Variants in MAP3K9 observed in about 807,000 individuals in gnomAD.
MAP3K9 encodes mixed lineage kinase 1 (tyr and ser/thr specificity).
A neutral mutation model predicts 95.8 loss-of-function variants in MAP3K9; 46 were observed. That is an observed-to-expected ratio of 0.48 (90% CI 0.38 to 0.61). MAP3K9 has a LOEUF of 0.61. MAP3K9 is among the 20% of genes least tolerant of loss of function. The pLI is 0.00. For missense variants in MAP3K9, 1,296 were observed against 1,474.3 expected, an observed-to-expected ratio of 0.88 and a Z score of 1.98; for synonymous variants, 533 against 593.8, an observed-to-expected ratio of 0.90 and a Z score of 1.49.
intron 2 of MAP3K9, among the ~76,000 whole-genome samples, chr14:70,797,240 C>G (rs2054874570): frequency 6.6e-6 from 1 of 151,952 alleles, no homozygotes; most frequent in Non-Finnish European, 1.5e-5. Context: ...TGACAATGAC[C>G]AAAATCCAAT....
rs570150310 is a variant in MAP3K9 at position 70,790,070 on chromosome 14, G to C, written c.820+10597C>G. The stretch of plus-strand genomic sequence containing the variant: ...AGTAGCAGGCGACTAACTGTGTCCT[G>C]CTTCTAGGAGGAAGGCTGTCCTTGG... On this transcript the variant is annotated intron_variant, in intron 2 of 11. Coordinates refer to ENST00000554752, the MANE Select transcript of MAP3K9 (RefSeq NM_001284230.2). 2.2e-4 allele frequency among the ~76,000 whole-genome samples: 33 copies of C among 152,286 alleles called. No homozygotes were observed. The South Asian group carries it at 6.8e-3, about 32-fold the overall frequency.
At position 70,727,120 on chromosome 14, in the gene MAP3K9, T is replaced by C. The variant is rs1487353734; in HGVS notation, c.*3260A>G. 2.6e-5 allele frequency: 4 copies of C among 152,192 alleles called. No individual in the cohort carries two copies. The highest frequency in any genetic ancestry group is 9.7e-5 in the African/African-American group (4 of 41,448). The allele number at this position is 152,192 out of a possible 1,614,324, so 9.4% of individuals were successfully genotyped here. ...AAGGGTATCAAATGTACAAGGAAAA[T>C]GATGTCATTTTGCAAAGGTCAGGAG... On this transcript the variant is annotated 3_prime_UTR_variant, in exon 12 of 12. Transcript: ENST00000554752.
rs1215674246 is a variant in MAP3K9 at position 70,729,216 on chromosome 14, A to G, written c.*1164T>C. 1 of 152,216 alleles carries G rather than the reference A, an allele frequency of 6.6e-6. No individual in the cohort carries two copies. Among genetic ancestry groups the G allele is most frequent in the Non-Finnish European group, 1.5e-5 (1 of 68,066 alleles). The allele number at this position is 152,216 out of a possible 1,614,324, so 9.4% of individuals were successfully genotyped here. On this transcript the variant is annotated 3_prime_UTR_variant, in exon 12 of 12. Transcript: ENST00000554752. ...AAATAGCACTTTGCCACATGCATTT[A>G]CAGAAGGTACTCCTGCTGGCTCCAT...
intron 2 of MAP3K9, among the ~76,000 whole-genome samples, chr14:70,792,336 A>C (rs1259450387): frequency 6.6e-6 from 1 of 152,216 alleles, no homozygotes; most frequent in Admixed American, 6.5e-5. Flanking sequence ...TGTGGCAAAA[A>C]CCACCAAAGG....
chr14:70,759,560 T>C (rs1026322828), intron 3 of MAP3K9, among the ~76,000 whole-genome samples: 4 of 152,214 alleles, frequency 2.6e-5, no homozygotes, highest in African/African-American at 4.8e-5. Context: ...TTTGAGTCAT[T>C]ATCTTCACTA....
In MAP3K9 at chr14:70,724,593, T is replaced by G. The variant is rs1396967573; in HGVS notation, c.*5787A>C. 1 of 152,154 alleles carries G rather than the reference T, an allele frequency of 6.6e-6. No individual in the cohort carries two copies. Among genetic ancestry groups the G allele is most frequent in the Non-Finnish European group, 1.5e-5 (1 of 68,026 alleles). The allele number at this position is 152,154 out of a possible 1,614,324, so 9.4% of individuals were successfully genotyped here. ...GTAAATCATATTGCAATGCAGTATT[T>G]TTTAAAAATCAGAGTTATTGAAAAA... On this transcript the variant is annotated 3_prime_UTR_variant, in exon 12 of 12. Coordinates refer to ENST00000554752, the MANE Select transcript of MAP3K9 (RefSeq NM_001284230.2).
At position 70,749,091 on chromosome 14, in the gene MAP3K9, A is replaced by T. The variant is rs113572278; in HGVS notation, c.1151-87T>A. ...AGGCTATTACATGGCCTCACTTCCCAGAAAACTACCTCTTACTTCTTCCAG... is the reference window on the plus strand; with the variant it reads ...AGGCTATTACATGGCCTCACTTCCCTGAAAACTACCTCTTACTTCTTCCAG... On this transcript the variant is annotated intron_variant, in intron 4 of 11. Transcript: ENST00000554752. 1.7e-5 allele frequency: 22 copies of T among 1,295,130 alleles called. No individual in the cohort carries two copies. The African/African-American group carries it at 3.1e-4, about 18-fold the overall frequency. The allele number at this position is 1,295,130 out of a possible 1,614,324, so 80.2% of individuals were successfully genotyped here. A position where few individuals can be genotyped will look rare whatever the true frequency, so the allele number is the denominator to read the frequency against.
At chr14:70,773,539 C>T (rs2054557179) in intron 2 of MAP3K9, among the ~76,000 whole-genome samples, 1 of 152,196 alleles carries the variant, frequency 6.6e-6, no homozygotes, top group African/African-American at 2.4e-5. Context: ...CCACTCAGAA[C>T]ATTTACTACA....
chr14:70,750,837 A>G (rs747429759), intron 3 of MAP3K9, among the ~76,000 whole-genome samples: 9 of 152,292 alleles, frequency 5.9e-5, no homozygotes, highest in African/African-American at 2.2e-4. Flanking sequence ...CAGCCTCCCA[A>G]GTATAATTTT....
intron 2 of MAP3K9, among the ~76,000 whole-genome samples, chr14:70,785,079 A>T (rs2054730561): frequency 6.6e-6 from 1 of 152,148 alleles, no homozygotes; most frequent in South Asian, 2.1e-4. Flanking sequence ...AAAACCATGC[A>T]AGCACTCAAG....
In MAP3K9 at chr14:70,809,228, C is replaced by T; in HGVS notation, c.-57G>A. 6 of 1,286,774 alleles carry T rather than the reference C, an allele frequency of 4.7e-6. No homozygotes were observed. The highest frequency in any genetic ancestry group is 5.9e-6 in the Non-Finnish European group (6 of 1,023,286). The allele number at this position is 1,286,774 out of a possible 1,614,324, so 79.7% of individuals were successfully genotyped here. A position where few individuals can be genotyped will look rare whatever the true frequency, so the allele number is the denominator to read the frequency against. ...CGCCGCCCGCAGGAGCCGCCGCCGC[C>T]TATTGTTCATGCGCCTCCGCAGAGC... On this transcript the variant is annotated 5_prime_UTR_variant, in exon 1 of 12. Coordinates refer to ENST00000554752, the MANE Select transcript of MAP3K9 (RefSeq NM_001284230.2).
intron 2 of MAP3K9, among the ~76,000 whole-genome samples, chr14:70,770,924 G>A (rs368076417): frequency 1.3e-5 from 2 of 151,922 alleles, no homozygotes; most frequent in African/African-American, 4.8e-5. Context: ...GGTATGTTTT[G>A]TTTTATTTAT....
chr14:70,768,075 A>G (rs1594791728), intron 2 of MAP3K9, among the ~76,000 whole-genome samples: 1 of 152,196 alleles, frequency 6.6e-6, no homozygotes, highest in Non-Finnish European at 1.5e-5. Context: ...AAAGAATAAG[A>G]CCTAGTATTT....
At chr14:70,788,852 C>A (rs1262103364) in intron 2 of MAP3K9, among the ~76,000 whole-genome samples, 1 of 152,140 alleles carries the variant, frequency 6.6e-6, no homozygotes, top group African/African-American at 2.4e-5. Context: ...CAAAACAAGA[C>A]CACAAAACTC....
chr14:70,752,081 C>T (rs917807680), intron 3 of MAP3K9, among the ~76,000 whole-genome samples: 1 of 152,188 alleles, frequency 6.6e-6, no homozygotes, highest in Non-Finnish European at 1.5e-5. Flanking sequence ...CAAATACTAT[C>T]ATTTTCTTTA....
At chr14:70,777,080 C>T (rs1037322719) in intron 2 of MAP3K9, among the ~76,000 whole-genome samples, 2 of 152,092 alleles carry the variant, frequency 1.3e-5, no homozygotes, top group East Asian at 1.9e-4. Flanking sequence ...ATCTGCCTAC[C>T]TCGGCCTCCC....
chr14:70,736,646 G>GA (rs1356426085), intron 8 of MAP3K9, among the ~76,000 whole-genome samples: 3 of 151,932 alleles, frequency 2.0e-5, no homozygotes, highest in African/African-American at 4.8e-5. Flanking sequence ...AAGACCAAAA[G>GA]AAAAAAAATA....
At chr14:70,780,165 C>T (rs2054655167) in intron 2 of MAP3K9, among the ~76,000 whole-genome samples, 1 of 152,222 alleles carries the variant, frequency 6.6e-6, no homozygotes, top group Non-Finnish European at 1.5e-5. Context: ...TGGACCAGCA[C>T]TGGAGAAACA....
chr14:70,758,246 G>A (rs2054323150), intron 3 of MAP3K9, among the ~76,000 whole-genome samples: 2 of 152,140 alleles, frequency 1.3e-5, no homozygotes, highest in Admixed American at 6.5e-5. Context: ...ATTTCTTCAG[G>A]TTCAGAGATA....
Sources: gnomAD v4.1 joint callset for allele counts (sites outside exome capture counted in the v4.1 genomes callset) on GRCh38, gnomAD v4.1.1 for gene constraint, MANE v1.5 for transcripts, NCBI Gene and HGNC (gene_info 2026-07-23, HGNC 2026-07-21) for gene names.